Variants in ANKS1A observed in about 807,000 individuals in gnomAD.
ANKS1A encodes the protein ankyrin repeat and SAM domain-containing protein 1A.
A neutral mutation model predicts 120.3 loss-of-function variants in ANKS1A; 55 were observed. That is an observed-to-expected ratio of 0.46 (90% CI 0.37 to 0.57). The LOEUF (loss-of-function observed/expected upper bound fraction) is 0.57. Ranked by LOEUF, ANKS1A falls within the 20% of genes least tolerant of loss-of-function variation. The probability of loss-of-function intolerance (pLI) is 0.00; values close to 1 mark genes in which losing one functional copy is unlikely to be tolerated. For missense variants in ANKS1A, 1,123 were observed against 1,480.3 expected, an observed-to-expected ratio of 0.76 and a Z score of 3.96; for synonymous variants, 590 against 604.7, an observed-to-expected ratio of 0.98 and a Z score of 0.36.
chr6:34,959,685 T>C (rs1770538980), intron 1 of ANKS1A, among the ~76,000 whole-genome samples: 1 of 152,198 alleles, frequency 6.6e-6, no homozygotes, highest in African/African-American at 2.4e-5. Flanking sequence ...ACAGAATAAA[T>C]ATCCCATTTG....
At chr6:34,899,791 C>G (rs557946904) in intron 1 of ANKS1A, among the ~76,000 whole-genome samples, 2 of 152,360 alleles carry the variant, frequency 1.3e-5, no homozygotes, top group South Asian at 2.1e-4. Flanking sequence ...ATGCTCACCA[C>G]TCTTCCTCTG....
chr6:34,913,243 A>G (rs1172464849), intron 1 of ANKS1A, among the ~76,000 whole-genome samples: 1 of 152,238 alleles, frequency 6.6e-6, no homozygotes. Flanking sequence ...TTCAGGTTAC[A>G]CATTGTAATA....
At chr6:35,071,158 A>G (rs1777067033) in intron 13 of ANKS1A, 1 of 268,572 alleles carries the variant, frequency 3.7e-6, no homozygotes, top group African/African-American at 2.3e-5. Flanking sequence ...ACCACCCCCA[A>G]ACTTCAGCTT....
chr6:34,942,543 A>G (rs536585642), intron 1 of ANKS1A, among the ~76,000 whole-genome samples: 2 of 152,224 alleles, frequency 1.3e-5, no homozygotes, highest in Non-Finnish European at 2.9e-5. Context: ...TTGATTTTGT[A>G]TGAATGCACC....
intron 1 of ANKS1A, among the ~76,000 whole-genome samples, chr6:34,918,030 G>A (rs9765968): frequency 6.6e-6 from 1 of 152,032 alleles, no homozygotes; most frequent in Non-Finnish European, 1.5e-5. Context: ...TCCTTGTTCT[G>A]CCCTCTCTGC....
chr6:34,908,038 A>AG (rs1395754535), intron 1 of ANKS1A, among the ~76,000 whole-genome samples: 3 of 152,206 alleles, frequency 2.0e-5, no homozygotes, highest in African/African-American at 7.2e-5. Flanking sequence ...AAGGAAAAAA[A>AG]AGAACAGTGG....
intron 11 of ANKS1A, chr6:35,039,431 A>G (rs1775347072): frequency 1.1e-5 from 4 of 371,390 alleles, no homozygotes; most frequent in Non-Finnish European, 2.2e-5. Flanking sequence ...TCCCGACCTC[A>G]GGTGATCCGC....
chr6:35,078,077 C>T (rs1333632856), intron 13 of ANKS1A, among the ~76,000 whole-genome samples: 1 of 152,182 alleles, frequency 6.6e-6, no homozygotes, highest in Non-Finnish European at 1.5e-5. Context: ...CTGACAGTCT[C>T]CCCCTTGGAG....
At chr6:34,921,200 A>T (rs1481443475) in intron 1 of ANKS1A, among the ~76,000 whole-genome samples, 1 of 152,234 alleles carries the variant, frequency 6.6e-6, no homozygotes, top group African/African-American at 2.4e-5. Flanking sequence ...CAGAAAACTT[A>T]CACAACATAT....
chr6:35,088,181 C>T (rs943259979), intron 23 of ANKS1A, among the ~76,000 whole-genome samples: 2 of 152,198 alleles, frequency 1.3e-5, no homozygotes, highest in South Asian at 4.1e-4. Flanking sequence ...AAGGAGAGGC[C>T]GTCCCATCGC....
At chr6:35,081,746 G>T (rs182453505) in intron 17 of ANKS1A, among the ~76,000 whole-genome samples, 46 of 152,318 alleles carry the variant, frequency 3.0e-4, no homozygotes, top group African/African-American at 1.1e-3. Context: ...AGGTGGGCCC[G>T]TCTCACACTC....
intron 1 of ANKS1A, among the ~76,000 whole-genome samples, chr6:34,936,431 T>TC (rs368369536): frequency 3.9e-5 from 6 of 152,338 alleles, no homozygotes; most frequent in African/African-American, 1.4e-4. Flanking sequence ...CTGGTGAAGG[T>TC]CCTCCAACTG....
intron 11 of ANKS1A, chr6:35,023,540 A>G (rs941977883): frequency 2.7e-6 from 1 of 374,826 alleles, no homozygotes; most frequent in Non-Finnish European, 5.5e-6. Context: ...CAGCATTTAG[A>G]AAGTTTCTTT....
intron 3 of ANKS1A, 93 bp from the exon 4 acceptor site, chr6:34,981,597 A>T: frequency 7.2e-7 from 1 of 1,384,090 alleles, no homozygotes; most frequent in Admixed American, 2.2e-5. Flanking sequence ...TATTTTTCTC[A>T]TTTAAACTTC....
chr6:35,056,481 G>C (rs971864000), intron 12 of ANKS1A, among the ~76,000 whole-genome samples: 1 of 152,050 alleles, frequency 6.6e-6, no homozygotes, highest in Non-Finnish European at 1.5e-5. Flanking sequence ...GTAGAGACAG[G>C]GTTTCACCGT....
At chr6:34,952,159 A>G (rs116036338) in intron 1 of ANKS1A, among the ~76,000 whole-genome samples, 1 of 152,122 alleles carries the variant, frequency 6.6e-6, no homozygotes, top group Non-Finnish European at 1.5e-5. Flanking sequence ...ATGCTTGTCA[A>G]TTTCCTAGGG....
chr6:34,997,020 C>G (rs1204476973), intron 10 of ANKS1A, among the ~76,000 whole-genome samples: 1 of 152,060 alleles, frequency 6.6e-6, no homozygotes, highest in Non-Finnish European at 1.5e-5. Context: ...CATTGTCTTT[C>G]CCATTTAGAA....
Position 34,889,873 on chromosome 6 carries a change from G to A in ANKS1A, c.197+274G>A, listed in dbSNP as rs1766713371. On this transcript the variant is annotated intron_variant, in intron 1 of 23. Coordinates refer to ENST00000360359, the MANE Select transcript of ANKS1A (RefSeq NM_015245.3). This position sits in a 1 kb window ranked among gnomAD's most constrained non-coding sequence, Gnocchi z 5.5. ...GCCTCCGCCGCATGGCACAGCCAGG[G>A]TTCACTCTCGCTCGCTACAGGGTGC... Among the ~76,000 whole-genome samples, 1 of 152,130 alleles carries A rather than the reference G, an allele frequency of 6.6e-6. No individual in the cohort carries two copies. Among genetic ancestry groups the A allele is most frequent in the Admixed American group, 6.5e-5 (1 of 15,284 alleles).
chr6:35,069,669 T>C (rs1207324065), intron 13 of ANKS1A, among the ~76,000 whole-genome samples: 1 of 151,788 alleles, frequency 6.6e-6, no homozygotes, highest in Non-Finnish European at 1.5e-5. Flanking sequence ...GTCTCCCAAA[T>C]AGCTGGAACT....
Sources: allele counts gnomAD v4.1 joint callset (sites outside exome capture counted in the v4.1 genomes callset), GRCh38; gene constraint gnomAD v4.1.1; non-coding constraint Gnocchi (gnomAD v3.1); transcripts MANE v1.5; gene names NCBI Gene and HGNC (gene_info 2026-07-23, HGNC 2026-07-21).